ACTR3B: variants seen among roughly 807,000 people sequenced by gnomAD.
The protein encoded by ACTR3B is actin-related protein 3B.
Under a neutral mutation model 59.0 loss-of-function variants are expected in ACTR3B, and 8 were observed. That is an observed-to-expected ratio of 0.14 (90% CI 0.08 to 0.24). ACTR3B has a LOEUF of 0.24. ACTR3B is among the 10% of genes least tolerant of loss of function. ACTR3B has a pLI of 1.00. For missense variants in ACTR3B, 245 were observed against 552.3 expected (o/e 0.44, Z 5.58); for synonymous variants, 148 against 197.9 (o/e 0.75, Z 2.12).
At chr7:152,811,387 G>T (rs1331754476) in intron 4 of ACTR3B, 1 of 150,608 alleles carries the variant, frequency 6.6e-6, no homozygotes, top group East Asian at 1.9e-4. Context: ...AGGGAGAGAG[G>T]AAATAGCTTA....
intron 9 of ACTR3B, among the ~76,000 whole-genome samples, chr7:152,825,460 C>A (rs1285161803): frequency 2.0e-5 from 3 of 151,968 alleles, no homozygotes; most frequent in Non-Finnish European, 4.4e-5. Flanking sequence ...TACAGGTGCA[C>A]GCCACCACAC....
rs368701446 is a variant in ACTR3B, at chr7:152,854,785, CCCT to C, written c.*247_*249del. The C allele has an allele frequency of 4.4e-3, 2,076 of 475,164 alleles. 5 individuals carry two copies. Among genetic ancestry groups the C allele is most frequent in the African/African-American group, 0.014 (721 of 50,770 alleles). 29.4% of individuals were successfully genotyped at this position (475,164 alleles called of 1,614,324 possible). A position where few individuals can be genotyped will look rare whatever the true frequency, so the allele number is the denominator to read the frequency against. ...CTCCCGCCCTCCTCACCCTCGCTCTCCCTCCTCCTCCTCCTCCGAGCTGCTAGC... is the reference window on the plus strand; with the variant it reads ...CTCCCGCCCTCCTCACCCTCGCTCTCCCTCCTCCTCCTCCGAGCTGCTAGC... On this transcript the variant is annotated 3_prime_UTR_variant, in exon 12 of 12. Transcript: ENST00000256001. The surrounding 1 kb of genome is among the most constrained non-coding windows in gnomAD (Gnocchi z 4.9).
At chr7:152,846,992 C>T (rs1798385796) in intron 9 of ACTR3B, among the ~76,000 whole-genome samples, 2 of 147,526 alleles carry the variant, frequency 1.4e-5, no homozygotes, top group Non-Finnish European at 3.0e-5. Context: ...AGTGTCCGGG[C>T]TGCAGTCTGC....
intron 1 of ACTR3B, among the ~76,000 whole-genome samples, chr7:152,761,590 TTCAA>T (rs1159213939): frequency 2.0e-5 from 3 of 152,196 alleles, no homozygotes; most frequent in African/African-American, 7.2e-5. Flanking sequence ...AACTTGGAGA[TTCAA>T]CTTCTATAGA....
At chr7:152,769,253 C>T (rs2098118554) in intron 1 of ACTR3B, among the ~76,000 whole-genome samples, 2 of 152,112 alleles carry the variant, frequency 1.3e-5, no homozygotes, top group African/African-American at 4.8e-5. Context: ...CTCGCATTTT[C>T]TGTGGGTTCT....
At chr7:152,818,975 C>G (rs1356953075) in intron 6 of ACTR3B, among the ~76,000 whole-genome samples, 1 of 152,050 alleles carries the variant, frequency 6.6e-6, no homozygotes, top group Non-Finnish European at 1.5e-5. Context: ...GGACATGTAT[C>G]TTGTTTTAAT....
intron 2 of ACTR3B, among the ~76,000 whole-genome samples, chr7:152,788,343 G>T (rs1432124176): frequency 2.0e-5 from 3 of 151,998 alleles, no homozygotes; most frequent in African/African-American, 7.3e-5. Context: ...TATCCTTGAA[G>T]ATGGTATATG....
intron 9 of ACTR3B, 59 bp from the exon 10 acceptor site, chr7:152,852,067 T>TAAATTAAACTTTA (rs1204646383): frequency 1.3e-4 from 204 of 1,612,732 alleles, no homozygotes; most frequent in South Asian, 1.0e-3. Flanking sequence ...TTGTGGGTGG[T>TAAATTAAACTTTA]TCCCGGAACT....
chr7:152,770,581 G>C (rs2098121551), intron 1 of ACTR3B, among the ~76,000 whole-genome samples: 1 of 151,814 alleles, frequency 6.6e-6, no homozygotes, highest in East Asian at 1.9e-4. Context: ...CTAAGATAAG[G>C]CATTTCCCCT....
chr7:152,849,351 C>T (rs1330870047), intron 9 of ACTR3B, among the ~76,000 whole-genome samples: 5 of 152,168 alleles, frequency 3.3e-5, no homozygotes, highest in Admixed American at 6.5e-5. Context: ...TCCGGAGGAT[C>T]GCTTCACTGC....
At chr7:152,795,318 A>T (rs1291101001) in intron 2 of ACTR3B, among the ~76,000 whole-genome samples, 3 of 152,240 alleles carry the variant, frequency 2.0e-5, no homozygotes, top group South Asian at 2.1e-4. Flanking sequence ...CAGTGCTGGG[A>T]TTACAGGCGT....
intron 2 of ACTR3B, among the ~76,000 whole-genome samples, chr7:152,792,251 A>G (rs1225496092): frequency 6.6e-6 from 1 of 152,160 alleles, no homozygotes; most frequent in African/African-American, 2.4e-5. Flanking sequence ...TGAGATTCAC[A>G]TCAGTTACAA....
At chr7:152,787,715 G>A (rs1385201099) in intron 2 of ACTR3B, among the ~76,000 whole-genome samples, 1 of 151,940 alleles carries the variant, frequency 6.6e-6, no homozygotes, top group African/African-American at 2.4e-5. Flanking sequence ...TGTTTTCGGT[G>A]TCTTTTGTTT....
At chr7:152,804,148 CT>C (rs1390115763) in intron 4 of ACTR3B, among the ~76,000 whole-genome samples, 2 of 152,134 alleles carry the variant, frequency 1.3e-5, no homozygotes, top group East Asian at 3.9e-4. Flanking sequence ...GGTGCAGAGA[CT>C]CAGCTTACAC....
intron 9 of ACTR3B, among the ~76,000 whole-genome samples, chr7:152,825,564 G>T (rs1414411909): frequency 6.6e-6 from 1 of 151,918 alleles, no homozygotes; most frequent in Non-Finnish European, 1.5e-5. Flanking sequence ...CAATCCACCC[G>T]CCTTGGCCTC....
chr7:152,774,379 G>A (rs1186701045), intron 1 of ACTR3B, among the ~76,000 whole-genome samples: 2 of 152,158 alleles, frequency 1.3e-5, no homozygotes. Context: ...CAGGTGATCC[G>A]CCTGCCTCGG....
chr7:152,803,591 A>G (rs568854289), intron 4 of ACTR3B, among the ~76,000 whole-genome samples: 78 of 152,230 alleles, frequency 5.1e-4, no homozygotes, highest in African/African-American at 1.8e-3. Context: ...GGGACATCTA[A>G]TCTTAGGCAT....
At chr7:152,791,379 T>C (rs2098195695) in intron 2 of ACTR3B, among the ~76,000 whole-genome samples, 1 of 152,202 alleles carries the variant, frequency 6.6e-6, no homozygotes, top group Non-Finnish European at 1.5e-5. Context: ...TATTTTCTAG[T>C]TTAAGTCATT....
At chr7:152,834,240 G>T (rs1396778413) in intron 9 of ACTR3B, among the ~76,000 whole-genome samples, 7 of 151,060 alleles carry the variant, frequency 4.6e-5, no homozygotes, top group African/African-American at 1.7e-4. Context: ...TGCAGCCTCT[G>T]CCTCCTGGGT....
Sources: allele counts gnomAD v4.1 joint callset (sites outside exome capture counted in the v4.1 genomes callset), GRCh38; gene constraint gnomAD v4.1.1; non-coding constraint Gnocchi (gnomAD v3.1); transcripts MANE v1.5; gene names NCBI Gene and HGNC (gene_info 2026-07-23, HGNC 2026-07-21).